ZFHX3: variants seen among roughly 807,000 people sequenced by gnomAD.
ZFHX3 encodes the protein zinc finger homeobox protein 3.
In ZFHX3, 42 loss-of-function variants were observed where a neutral mutation model predicts 279.1. The observed-to-expected ratio is 0.15, with a 90% CI of 0.12 to 0.19. The LOEUF (loss-of-function observed/expected upper bound fraction) is 0.19. Among genes scored for constraint, ZFHX3 ranks in the 10% least tolerant of loss-of-function variants. The pLI is 1.00. For synonymous variants in ZFHX3, 2,293 were observed against 1,957.8 expected, an observed-to-expected ratio of 1.17 and a Z score of -4.52; for missense variants, 4,981 against 4,754.0, an observed-to-expected ratio of 1.05 and a Z score of -1.40.
At chr16:73,590,985 G>A (rs1408430955) in intron 2 of ZFHX3, among the ~76,000 whole-genome samples, 2 of 152,140 alleles carry the variant, frequency 1.3e-5, no homozygotes, top group African/African-American at 2.4e-5. Flanking sequence ...CAGGAACAAA[G>A]CACATTAAAT....
chr16:72,883,616 C>G (rs1031467948), intron 4 of ZFHX3, among the ~76,000 whole-genome samples: 3 of 152,206 alleles, frequency 2.0e-5, no homozygotes, highest in African/African-American at 7.2e-5. Context: ...ATTATGTTCT[C>G]TTTTCATGTT....
At chr16:73,324,896 A>G (rs753390899) in intron 3 of ZFHX3, among the ~76,000 whole-genome samples, 3 of 152,202 alleles carry the variant, frequency 2.0e-5, no homozygotes, top group Non-Finnish European at 4.4e-5. Flanking sequence ...GACAGCCCAG[A>G]GTGCTTCCAA....
chr16:73,682,898 G>GA lies in ZFHX3; in HGVS notation c.-1607-2659dup, dbSNP rs1222302534. On this transcript the variant is annotated intron_variant, in intron 1 of 17. Transcript: ENST00000641206. The stretch of plus-strand genomic sequence containing the variant: ...AGAAAGAAAGAAAGAAAGAAAGAAA[G>GA]AAAGAAAGAGAAAGAAAGAGAGAAA... Among the ~76,000 whole-genome samples, 45 of 50,784 alleles carry GA rather than the reference G, an allele frequency of 8.9e-4. 3 individuals are homozygous for GA. The highest frequency in any genetic ancestry group is 3.7e-3 in the African/African-American group (43 of 11,558). The allele number at this position is 50,784 out of a possible 152,430, so 33.3% of individuals were successfully genotyped here.
chr16:73,808,104 GGAAGATGTGGGCACT>G (rs1960332385), intron 1 of ZFHX3, among the ~76,000 whole-genome samples: 1 of 152,134 alleles, frequency 6.6e-6, no homozygotes. Context: ...GGCATGGGCA[GGAAGATGTGGGCACT>G]GAAGAGAGAC....
intron 2 of ZFHX3, among the ~76,000 whole-genome samples, chr16:73,672,869 C>T (rs1474678002): frequency 6.6e-6 from 1 of 152,032 alleles, no homozygotes; most frequent in Non-Finnish European, 1.5e-5. Flanking sequence ...TTCAAAGCGA[C>T]ATTATTTTTA....
chr16:73,843,907 C>T (rs1440567322), intron 1 of ZFHX3, among the ~76,000 whole-genome samples: 1 of 152,176 alleles, frequency 6.6e-6, no homozygotes, highest in Non-Finnish European at 1.5e-5. Context: ...ACAATGAAAT[C>T]TGGATTTTGT....
At chr16:73,077,870 T>C (rs1391645788) in intron 8 of ZFHX3, among the ~76,000 whole-genome samples, 3 of 152,212 alleles carry the variant, frequency 2.0e-5, no homozygotes, top group Non-Finnish European at 2.9e-5. Context: ...AATGACGTGA[T>C]TTCAGCTCAC....
At chr16:73,685,336 G>A (rs371695551) in intron 1 of ZFHX3, among the ~76,000 whole-genome samples, 2 of 152,192 alleles carry the variant, frequency 1.3e-5, no homozygotes, top group African/African-American at 4.8e-5. Context: ...TTTTAAAAAT[G>A]TAAGAGGGAG....
intron 3 of ZFHX3, among the ~76,000 whole-genome samples, chr16:73,390,837 A>G (rs181076134): frequency 8.0e-4 from 122 of 152,156 alleles, no homozygotes; most frequent in Non-Finnish European, 1.5e-3. Context: ...AGAGTTACTG[A>G]GGAGGTTTTA....
intron 7 of ZFHX3, chr16:72,808,031 C>G (rs2036322962): frequency 6.6e-6 from 1 of 152,192 alleles, no homozygotes; most frequent in Admixed American, 6.5e-5. Flanking sequence ...CTTTCCTGCT[C>G]TAGTTGGCCA....
At chr16:73,321,429 T>C (rs2015572441) in intron 3 of ZFHX3, among the ~76,000 whole-genome samples, 1 of 152,162 alleles carries the variant, frequency 6.6e-6, no homozygotes, top group Non-Finnish European at 1.5e-5. Flanking sequence ...AGGTAACAGT[T>C]ATAAAGGGAC....
In ZFHX3 at chr16:72,957,821, C is replaced by T. The variant is rs376318771; in HGVS notation, c.2325G>A (p.Ala775=). ...CTGCCGCCGCCGCCGCAGCCACCGCCGCCGCCGCCGCCCCGGCAGTGTGGC... is the reference window on the plus strand; with the variant it reads ...CTGCCGCCGCCGCCGCAGCCACCGCTGCCGCCGCCGCCCCGGCAGTGTGGC... ...VFSHTAGAAA[A]AVAAAAAAAN... is the part of the protein sequence containing the mutation. The change falls in exon 2 of 10, where the codon GCG becomes GCA. Residue 775 remains alanine (A), a synonymous_variant. Transcript: ENST00000268489. The T allele has an allele frequency of 4.3e-5, 68 of 1,599,020 alleles. No individual in the cohort carries two copies. Among genetic ancestry groups the T allele is most frequent in the South Asian group, 1.1e-4 (10 of 90,058 alleles).
At chr16:73,172,931 G>GTTTTTTTTTTTTTTTTT (rs376709821) in intron 5 of ZFHX3, among the ~76,000 whole-genome samples, 2 of 97,164 alleles carry the variant, frequency 2.1e-5, no homozygotes, top group Non-Finnish European at 3.9e-5. Context: ...GCTGCCTGTG[G>GTTTTTTTTTTTTTTTTT]TTTTTTTTTT....
chr16:73,754,119 A>G (rs2053785204), intron 1 of ZFHX3, among the ~76,000 whole-genome samples: 1 of 152,064 alleles, frequency 6.6e-6, no homozygotes, highest in Non-Finnish European at 1.5e-5. Context: ...GTTGGCAGAC[A>G]GCTAGGAACA....
intron 5 of ZFHX3, among the ~76,000 whole-genome samples, chr16:72,825,334 C>CTGCT (rs1425986404): frequency 6.6e-6 from 1 of 152,200 alleles, no homozygotes; most frequent in African/African-American, 2.4e-5. Context: ...TGTCAGGAGA[C>CTGCT]TGCTACTCCT....
chr16:73,067,587 C>A (rs1319540754), intron 8 of ZFHX3, among the ~76,000 whole-genome samples: 1 of 152,220 alleles, frequency 6.6e-6, no homozygotes, highest in Non-Finnish European at 1.5e-5. Flanking sequence ...TGGGTCCCAA[C>A]TAGTTCCTGC....
chr16:73,024,006 G>T (rs1433563765), intron 1 of ZFHX3, among the ~76,000 whole-genome samples: 3 of 152,146 alleles, frequency 2.0e-5, no homozygotes, highest in African/African-American at 7.2e-5. Flanking sequence ...TGGAAACAAG[G>T]CACGTGCAGT....
intron 5 of ZFHX3, among the ~76,000 whole-genome samples, chr16:73,242,923 T>A (rs564148725): frequency 2.0e-5 from 3 of 152,042 alleles, no homozygotes; most frequent in African/African-American, 7.3e-5. Flanking sequence ...GAATAATGAA[T>A]CACGAGGCAT....
At chr16:73,640,457 T>C (rs951766044) in intron 2 of ZFHX3, among the ~76,000 whole-genome samples, 1 of 151,932 alleles carries the variant, frequency 6.6e-6, no homozygotes, top group Non-Finnish European at 1.5e-5. Flanking sequence ...AAACAAACAA[T>C]GCAGAGAACA....
Sources: allele counts gnomAD v4.1 joint callset (sites outside exome capture counted in the v4.1 genomes callset), GRCh38; gene constraint gnomAD v4.1.1; transcripts MANE v1.5; gene names NCBI Gene and HGNC (gene_info 2026-07-23, HGNC 2026-07-21).